Variants in TMEM132C observed in about 807,000 individuals in gnomAD.
TMEM132C encodes the protein transmembrane protein 132C.
TMEM132C carries 29 observed loss-of-function variants against 61.4 expected under a neutral mutation model. That is an observed-to-expected ratio of 0.47 (90% CI 0.35 to 0.64). TMEM132C has a LOEUF of 0.64. Ranked by LOEUF, TMEM132C falls within the 30% of genes least tolerant of loss-of-function variation. TMEM132C has a pLI of 0.00. For missense variants in TMEM132C, 1,408 were observed against 1,476.9 expected, an observed-to-expected ratio of 0.95 and a Z score of 0.76; for synonymous variants, 656 against 633.1, an observed-to-expected ratio of 1.04 and a Z score of -0.54.
At chr12:128,496,662 G>A (rs1344196086) in intron 2 of TMEM132C, among the ~76,000 whole-genome samples, 4 of 152,104 alleles carry the variant, frequency 2.6e-5, no homozygotes, top group Non-Finnish European at 5.9e-5. Context: ...CATAGTTCTC[G>A]TGCCATGGTT....
intron 2 of TMEM132C, among the ~76,000 whole-genome samples, chr12:128,473,324 T>C (rs1871023402): frequency 6.6e-6 from 1 of 151,796 alleles, no homozygotes; most frequent in Non-Finnish European, 1.5e-5. Flanking sequence ...GCCTCTATCT[T>C]CATCTTCAGT....
At chr12:128,320,678 T>C (rs1282847538) in intron 1 of TMEM132C, among the ~76,000 whole-genome samples, 1 of 151,494 alleles carries the variant, frequency 6.6e-6, no homozygotes, top group Non-Finnish European at 1.5e-5. Context: ...GAGGCTGAGG[T>C]GGAAGGATCA....
intron 1 of TMEM132C, among the ~76,000 whole-genome samples, chr12:128,343,270 A>G (rs1287700709): frequency 6.6e-6 from 1 of 152,054 alleles, no homozygotes; most frequent in Non-Finnish European, 1.5e-5. Flanking sequence ...CTAAAAATAC[A>G]AAAATTAGCT....
intron 3 of TMEM132C, among the ~76,000 whole-genome samples, chr12:128,573,407 A>G (rs1024311018): frequency 1.3e-5 from 2 of 151,808 alleles, no homozygotes; most frequent in African/African-American, 4.8e-5. Flanking sequence ...AACAATGAGA[A>G]CACTTGGACA....
At chr12:128,687,564 C>T (rs984501261) in intron 5 of TMEM132C, among the ~76,000 whole-genome samples, 18 of 152,292 alleles carry the variant, frequency 1.2e-4, no homozygotes, top group South Asian at 1.0e-3. Context: ...GAGAACAGCA[C>T]GTGCAAAGGC....
At chr12:128,615,113 C>A (rs947653434) in intron 3 of TMEM132C, among the ~76,000 whole-genome samples, 1 of 152,176 alleles carries the variant, frequency 6.6e-6, no homozygotes, top group African/African-American at 2.4e-5. Flanking sequence ...TGCTTCAATC[C>A]TGCATCTAGC....
intron 2 of TMEM132C, among the ~76,000 whole-genome samples, chr12:128,482,402 C>T (rs1471928260): frequency 1.3e-5 from 2 of 152,096 alleles, no homozygotes; most frequent in African/African-American, 2.4e-5. Flanking sequence ...ATTTTTGTAT[C>T]GATGTTCATC....
chr12:128,299,564 A>T (rs1252737921), intron 1 of TMEM132C, among the ~76,000 whole-genome samples: 1 of 152,230 alleles, frequency 6.6e-6, no homozygotes, highest in Non-Finnish European at 1.5e-5. Flanking sequence ...TAAAACAGAG[A>T]TGTGAGAGAA....
intron 2 of TMEM132C, among the ~76,000 whole-genome samples, chr12:128,476,636 A>G (rs1329639344): frequency 6.6e-6 from 1 of 152,224 alleles, no homozygotes; most frequent in Admixed American, 6.5e-5. Flanking sequence ...CTGCATTTTA[A>G]CTATTTAGAT....
chr12:128,279,601 C>A (rs963000401), intron 1 of TMEM132C, among the ~76,000 whole-genome samples: 2 of 152,042 alleles, frequency 1.3e-5, no homozygotes, highest in African/African-American at 4.8e-5. Context: ...GCTGGGCTCA[C>A]CACCCCAGAT....
chr12:128,640,417 C>T (rs1206706207), intron 4 of TMEM132C, among the ~76,000 whole-genome samples: 1 of 152,080 alleles, frequency 6.6e-6, no homozygotes, highest in African/African-American at 2.4e-5. Context: ...TGTGAGATTA[C>T]AGAAGGGGTA....
intron 2 of TMEM132C, among the ~76,000 whole-genome samples, chr12:128,515,306 G>A (rs569802460): frequency 1.3e-5 from 2 of 152,190 alleles, no homozygotes; most frequent in African/African-American, 2.4e-5. Flanking sequence ...GCATTTACCC[G>A]TAATAATGGG....
At chr12:128,323,627 C>G (rs1386579064) in intron 1 of TMEM132C, among the ~76,000 whole-genome samples, 1 of 152,234 alleles carries the variant, frequency 6.6e-6, no homozygotes. Flanking sequence ...CCCCAGGCTC[C>G]AGATAGAATC....
chr12:128,524,868 G>C (rs1438132522), intron 2 of TMEM132C, among the ~76,000 whole-genome samples: 1 of 152,208 alleles, frequency 6.6e-6, no homozygotes, highest in East Asian at 1.9e-4. Context: ...ATGCCTGCCT[G>C]ATGCTTTCTT....
At chr12:128,432,941 C>G (rs928953315) in intron 2 of TMEM132C, among the ~76,000 whole-genome samples, 14 of 152,084 alleles carry the variant, frequency 9.2e-5, no homozygotes, top group Admixed American at 3.3e-4. Context: ...CAGCCTTCAG[C>G]AACCACCACC....
intron 1 of TMEM132C, among the ~76,000 whole-genome samples, chr12:128,298,482 C>T (rs1871492186): frequency 6.6e-6 from 1 of 152,122 alleles, no homozygotes; most frequent in Admixed American, 6.5e-5. Flanking sequence ...CCCCAAGTCC[C>T]CTTCACCCAG....
intron 5 of TMEM132C, among the ~76,000 whole-genome samples, chr12:128,680,506 G>T (rs11059824): frequency 0.52 from 79,130 of 152,056 alleles, 21,307 homozygotes; most frequent in African/African-American, 0.68. Flanking sequence ...TAGTTAGAAT[G>T]GAATAAAATG....
intron 1 of TMEM132C, among the ~76,000 whole-genome samples, chr12:128,340,916 T>C (rs866503698): frequency 0.016 from 2,013 of 128,290 alleles, 68 homozygotes; most frequent in African/African-American, 0.068. Context: ...CTCTCTCTCT[T>C]TCTCTCTCTC....
rs1197975716 is a variant in TMEM132C, at chr12:128,414,832, C to T, written c.186C>T (p.Phe62=). The part of the protein sequence containing the change: ...SYHILRAETS[F]FLKEANQDLL... ...ACATCCTCAGAGCAGAGACCTCCTT[C>T]TTCCTCAAGGAAGCCAACCAGGACC... The change falls in exon 2 of 9, where the codon TTC becomes TTT. Residue 62 remains phenylalanine (F), a synonymous_variant. Transcript: ENST00000435159. 3 of 1,547,434 alleles carry T rather than the reference C, an allele frequency of 1.9e-6. No homozygotes were observed. Among genetic ancestry groups the T allele is most frequent in the Non-Finnish European group, 1.7e-6 (2 of 1,147,014 alleles).
Sources: gnomAD v4.1 joint callset for allele counts (sites outside exome capture counted in the v4.1 genomes callset) on GRCh38, gnomAD v4.1.1 for gene constraint, MANE v1.5 for transcripts, NCBI Gene and HGNC (gene_info 2026-07-23, HGNC 2026-07-21) for gene names.